XKR9: variants seen among roughly 807,000 people sequenced by gnomAD.
XKR9 encodes XK related 9.
In XKR9, 32 loss-of-function variants were observed where a neutral mutation model predicts 32.0. The observed-to-expected ratio is 1.00, with a 90% confidence interval of 0.76 to 1.34. The LOEUF (loss-of-function observed/expected upper bound fraction) is 1.34. Ranked by LOEUF, XKR9 falls within the 40% of genes most tolerant of loss-of-function variation. The pLI is 0.00. For synonymous variants in XKR9, 168 were observed against 143.4 expected, an observed-to-expected ratio of 1.17 and a Z score of -1.22; for missense variants, 546 against 429.7, an observed-to-expected ratio of 1.27 and a Z score of -2.39.
chr8:70,973,257 T>G, the XKR9 span, among the ~76,000 whole-genome samples: 2 of 150,872 alleles, frequency 1.3e-5, no homozygotes, highest in East Asian at 3.9e-4. Context: ...TGTAAAGGTG[T>G]TCATAGTAGC....
chr8:70,969,276 G>A, the XKR9 span, among the ~76,000 whole-genome samples: 2 of 152,146 alleles, frequency 1.3e-5, no homozygotes, highest in Non-Finnish European at 1.5e-5. Context: ...TTTTTTAACA[G>A]TGTGATAGTA....
At chr8:70,875,851 C>T in the XKR9 span, among the ~76,000 whole-genome samples, 3 of 151,980 alleles carry the variant, frequency 2.0e-5, no homozygotes. Flanking sequence ...GAAAACCAAA[C>T]CATAATTGAA....
intron 2 of XKR9, among the ~76,000 whole-genome samples, chr8:70,741,176 G>A (rs1806967899): frequency 1.3e-5 from 2 of 152,214 alleles, no homozygotes; most frequent in Admixed American, 1.3e-4. Context: ...GGCAATGGTG[G>A]GTGTAGGTGG....
In XKR9 at chr8:70,707,038, T is replaced by C. The variant is rs377403034; in HGVS notation, c.378T>C (p.Asp126=). 1.9e-6 allele frequency: 3 copies of C among 1,613,314 alleles called. No homozygotes were observed. Among genetic ancestry groups the C allele is most frequent in the Admixed American group, 1.7e-5 (1 of 59,970 alleles). The change falls in exon 4 of 5, where the codon GAT becomes GAC. Residue 126 remains aspartate, a synonymous_variant. Coordinates refer to ENST00000408926, the MANE Select transcript of XKR9 (RefSeq NM_001011720.2). ...TTGATCTACATAAAGAAGTTATAGA[T>C]AGAGTGACTGATTTGAGCATGCTCA... ...EQIDLHKEVI[D]RVTDLSMLRL...
the XKR9 span, among the ~76,000 whole-genome samples, chr8:71,033,082 CA>C: frequency 0.072 from 8,251 of 115,128 alleles, 551 homozygotes; most frequent in African/African-American, 0.2. Flanking sequence ...GATTACATCT[CA>C]AAAAAAAAAA....
chr8:70,741,215 G>A (rs767610115), intron 2 of XKR9, among the ~76,000 whole-genome samples: 14 of 152,174 alleles, frequency 9.2e-5, no homozygotes, highest in Non-Finnish European at 1.5e-5. Context: ...TTTAAGATTA[G>A]TTTAGATAAG....
Position 70,753,789 on chromosome 8 carries a change from A to G in XKR9, n.353-35550A>G, listed in dbSNP as rs1161711189. On this transcript the variant is annotated intron_variant and non_coding_transcript_variant, in intron 2 of 3. Transcript: ENST00000520273. Reference sequence around the variant, plus strand: ...CTCAAAATAATAAGAGCTATCTATGACAAACCCACAGCCAATATCATGCTG... The same window carrying G: ...CTCAAAATAATAAGAGCTATCTATGGCAAACCCACAGCCAATATCATGCTG... 2.0e-5 allele frequency among the ~76,000 whole-genome samples: 3 copies of G among 150,722 alleles called. No individual in the cohort carries two copies. The East Asian group carries it at 5.8e-4, about 29-fold the overall frequency.
chr8:70,794,823 T>TGTGTGTGTGTGTGTG (rs1807808191), downstream of XKR9, among the ~76,000 whole-genome samples: 3 of 147,586 alleles, frequency 2.0e-5, no homozygotes, highest in African/African-American at 7.5e-5. Flanking sequence ...TAGTCTTCTT[T>TGTGTGTGTGTGTGTG]TGTGTGTGTG....
chr8:70,681,446 A>G, intron 3 of XKR9, 116 bp downstream of exon 3: 1 of 1,262,378 alleles, frequency 7.9e-7, no homozygotes, highest in Non-Finnish European at 1.1e-6. Flanking sequence ...CATGAAGCAC[A>G]AAGGTTACTT....
chr8:70,776,097 C>G (rs7000503), intron 2 of XKR9, among the ~76,000 whole-genome samples: 11,033 of 152,038 alleles, frequency 0.073, 475 homozygotes, highest in Non-Finnish European at 0.089. Context: ...ATTGGGAAAG[C>G]CCTGTTTCAC....
chr8:70,729,826 G>C (rs35295900), intron 4 of XKR9, among the ~76,000 whole-genome samples: 61,277 of 151,868 alleles, frequency 0.4, 13,888 homozygotes, highest in Non-Finnish European at 0.52. Flanking sequence ...AAGCCAAACA[G>C]CATTTTAAAT....
At chr8:70,980,654 A>G in the XKR9 span, among the ~76,000 whole-genome samples, 5 of 152,276 alleles carry the variant, frequency 3.3e-5, no homozygotes, top group South Asian at 6.2e-4. Flanking sequence ...GTGAGGTACT[A>G]TTCTATTCAT....
At chr8:71,019,965 C>G in the XKR9 span, among the ~76,000 whole-genome samples, 6 of 152,236 alleles carry the variant, frequency 3.9e-5, no homozygotes, top group Non-Finnish European at 5.9e-5. Context: ...GATCTTTAGG[C>G]AGGGTACTAT....
the XKR9 span, among the ~76,000 whole-genome samples, chr8:70,958,194 T>A: frequency 6.6e-6 from 1 of 152,322 alleles, no homozygotes; most frequent in African/African-American, 2.4e-5. Context: ...TAGAATGATT[T>A]CTATTCCTTT....
the XKR9 span, among the ~76,000 whole-genome samples, chr8:70,854,016 G>A: frequency 6.6e-6 from 1 of 151,614 alleles, no homozygotes; most frequent in East Asian, 1.9e-4. Flanking sequence ...ATAGCAGCAT[G>A]ATTTATAATC....
chr8:70,869,614 G>T, the XKR9 span, among the ~76,000 whole-genome samples: 2 of 151,920 alleles, frequency 1.3e-5, no homozygotes, highest in Non-Finnish European at 2.9e-5. Context: ...CCAAGTTTTC[G>T]TTCTTTCCAC....
intron 4 of XKR9, among the ~76,000 whole-genome samples, chr8:70,727,721 A>G (rs1806521412): frequency 6.6e-6 from 1 of 151,946 alleles, no homozygotes; most frequent in Non-Finnish European, 1.5e-5. Flanking sequence ...TTTAAAGGAC[A>G]ACTTAGTGGG....
At chr8:70,703,182 C>T (rs1261882947) in intron 3 of XKR9, among the ~76,000 whole-genome samples, 2 of 150,510 alleles carry the variant, frequency 1.3e-5, no homozygotes, top group South Asian at 2.1e-4. Flanking sequence ...TTTTTTGCCC[C>T]TCTCTCTTTT....
chr8:70,949,495 T>A, the XKR9 span, among the ~76,000 whole-genome samples: 1 of 151,990 alleles, frequency 6.6e-6, no homozygotes, highest in East Asian at 1.9e-4. Flanking sequence ...ATCTTAATAT[T>A]AAATCTTTCA....
Sources: allele counts gnomAD v4.1 joint callset (sites outside exome capture counted in the v4.1 genomes callset), GRCh38; gene constraint gnomAD v4.1.1; transcripts MANE v1.5; gene names NCBI Gene and HGNC (gene_info 2026-07-23, HGNC 2026-07-21).